Variants in DNAI4 observed in about 807,000 individuals in gnomAD.
DNAI4 encodes WD repeat domain 78.
A neutral mutation model predicts 105.8 loss-of-function variants in DNAI4; 85 were observed. The observed-to-expected ratio is 0.80, with a 90% CI of 0.67 to 0.96. DNAI4 has a LOEUF of 0.96. Ranked by LOEUF, DNAI4 falls within the 40% of genes least tolerant of loss-of-function variation. The pLI is 0.00. For synonymous variants in DNAI4, 352 were observed against 331.5 expected, an observed-to-expected ratio of 1.06 and a Z score of -0.67; for missense variants, 1,014 against 1,005.6, an observed-to-expected ratio of 1.01 and a Z score of -0.11.
chr1:66,891,392 T>A, intron 3 of DNAI4, 126 bp from the exon 4 acceptor site: 1 of 592,506 alleles, frequency 1.7e-6, no homozygotes, highest in Non-Finnish European at 2.9e-6. Context: ...GCAAAATAGA[T>A]ACATTAATTT....
At chr1:66,846,159 T>C (rs1346424685) in intron 8 of DNAI4, among the ~76,000 whole-genome samples, 1 of 152,126 alleles carries the variant, frequency 6.6e-6, no homozygotes, top group Admixed American at 6.6e-5. Context: ...TACAGTACTA[T>C]GTGAATTGCA....
rs74609208 is a variant in DNAI4, at chr1:66,814,198, C to A, written c.2497-18G>T. ...ATATCTCCCTGAAAAAAAAAAGTCA[C>A]ACAATTACAATGCAATAAAATGCAA... On this transcript the variant is annotated intron_variant, in intron 16 of 16. Transcript: ENST00000371026. 113,887 of 1,569,300 alleles carry A rather than the reference C, an allele frequency of 0.073. 4,621 individuals carry two copies. Among genetic ancestry groups the A allele is most frequent in the South Asian group, 0.09 (7,640 of 85,168 alleles).
At chr1:66,860,454 T>C (rs914778539) in intron 7 of DNAI4, among the ~76,000 whole-genome samples, 2 of 152,132 alleles carry the variant, frequency 1.3e-5, no homozygotes, top group African/African-American at 2.4e-5. Flanking sequence ...CTGAATTTCC[T>C]TTACATTTTC....
intron 10 of DNAI4, among the ~76,000 whole-genome samples, chr1:66,836,273 A>G (rs1646013611): frequency 8.4e-6 from 1 of 119,282 alleles, no homozygotes; most frequent in Non-Finnish European, 1.8e-5. Context: ...AGAAAGAAAG[A>G]AAGAAAGAAA....
At chr1:66,855,448 C>T (rs986588488) in intron 7 of DNAI4, among the ~76,000 whole-genome samples, 1 of 152,280 alleles carries the variant, frequency 6.6e-6, no homozygotes, top group Admixed American at 6.5e-5. Context: ...AAGAACAAAA[C>T]CTACATTTTA....
chr1:66,880,475 T>C (rs995876084), intron 4 of DNAI4, among the ~76,000 whole-genome samples: 1 of 152,138 alleles, frequency 6.6e-6, no homozygotes, highest in Non-Finnish European at 1.5e-5. Context: ...GAAGGGCTCG[T>C]TGGGAACTGG....
intron 1 of DNAI4, among the ~76,000 whole-genome samples, chr1:66,907,509 C>T (rs756693859): frequency 1.3e-5 from 2 of 152,162 alleles, no homozygotes; most frequent in African/African-American, 4.8e-5. Context: ...TTACAGATTA[C>T]GTTTAGGCTC....
chr1:66,909,368 C>T (rs1642443262), intron 1 of DNAI4, among the ~76,000 whole-genome samples: 1 of 149,798 alleles, frequency 6.7e-6, no homozygotes, highest in Non-Finnish European at 1.5e-5. Context: ...CTTATCATTC[C>T]ATCAAAAGGA....
At chr1:66,844,986 G>A (rs1646239503) in intron 8 of DNAI4, among the ~76,000 whole-genome samples, 1 of 152,034 alleles carries the variant, frequency 6.6e-6, no homozygotes, top group Admixed American at 6.6e-5. Flanking sequence ...CTGAGGTCAA[G>A]AGTTCGAGAC....
chr1:66,837,889 A>C (rs967718777), intron 9 of DNAI4, 93 bp from the exon 10 acceptor site: 141 of 1,193,182 alleles, frequency 1.2e-4, no homozygotes, highest in Non-Finnish European at 1.5e-4. Context: ...GCTGTGTTAA[A>C]AATAGTAGTA....
chr1:66,901,549 T>A (rs2100815817), intron 2 of DNAI4, among the ~76,000 whole-genome samples: 1 of 152,264 alleles, frequency 6.6e-6, no homozygotes, highest in South Asian at 2.1e-4. Context: ...TGATTTTTCA[T>A]TATATTTTAA....
chr1:66,919,807 G>A lies in DNAI4; in HGVS notation c.170+4855C>T, dbSNP rs146293378. On this transcript the variant is annotated intron_variant, in intron 1 of 16. Coordinates refer to ENST00000371026, the MANE Select transcript of DNAI4 (RefSeq NM_024763.5). ...AAATACCCAACTCTGGCCCCCAACA[G>A]CCATCTTTTCACCCCAAAGAAAAAA... is the stretch of plus-strand genomic sequence containing the variant. Among the ~76,000 whole-genome samples, 672 of 152,260 alleles carry A rather than the reference G, an allele frequency of 4.4e-3. 8 individuals carry two copies. Among genetic ancestry groups the A allele is most frequent in the African/African-American group, 0.015 (639 of 41,522 alleles).
intron 4 of DNAI4, among the ~76,000 whole-genome samples, chr1:66,878,415 C>T (rs1647002445): frequency 6.6e-6 from 1 of 152,000 alleles, no homozygotes; most frequent in Non-Finnish European, 1.5e-5. Context: ...TATCCATGCA[C>T]CAACTCTAGA....
chr1:66,825,166 C>CTTTTTT (rs759572433), intron 15 of DNAI4, among the ~76,000 whole-genome samples: 22 of 95,914 alleles, frequency 2.3e-4, no homozygotes, highest in East Asian at 6.6e-4. Flanking sequence ...TAATAACTGT[C>CTTTTTT]TTTTTTTTTT....
chr1:66,842,716 T>C (rs1022692319), intron 8 of DNAI4, among the ~76,000 whole-genome samples: 1 of 152,132 alleles, frequency 6.6e-6, no homozygotes, highest in African/African-American at 2.4e-5. Context: ...TTTAGCTTTA[T>C]AAGAAACTGC....
intron 4 of DNAI4, among the ~76,000 whole-genome samples, chr1:66,877,947 T>C (rs1646991528): frequency 6.6e-6 from 1 of 152,180 alleles, no homozygotes; most frequent in Admixed American, 6.5e-5. Context: ...TCATAACTTA[T>C]CATTGATGGT....
At chr1:66,910,847 C>A (rs1259256356) in intron 1 of DNAI4, among the ~76,000 whole-genome samples, 2 of 152,180 alleles carry the variant, frequency 1.3e-5, no homozygotes, top group Non-Finnish European at 2.9e-5. Context: ...TACAACAGTA[C>A]CCAAGTGTGG....
At chr1:66,893,085 G>GAAAGAA in intron 3 of DNAI4, 144 bp downstream of exon 3, 1 of 396,830 alleles carries the variant, frequency 2.5e-6, no homozygotes, top group Non-Finnish European at 4.4e-6. Flanking sequence ...AAGAAAGAAA[G>GAAAGAA]AAAGAAAGAA....
intron 2 of DNAI4, among the ~76,000 whole-genome samples, chr1:66,895,677 T>C (rs543329613): frequency 6.6e-6 from 1 of 152,284 alleles, no homozygotes; most frequent in South Asian, 2.1e-4. Flanking sequence ...ATCACTACTG[T>C]AGGATTTTAT....
Sources: allele counts gnomAD v4.1 joint callset (sites outside exome capture counted in the v4.1 genomes callset), GRCh38; gene constraint gnomAD v4.1.1; transcripts MANE v1.5; gene names NCBI Gene and HGNC (gene_info 2026-07-23, HGNC 2026-07-21).